The following NFIB variants were observed in gnomAD, a reference collection of about 807,000 sequenced individuals.
NFIB encodes nuclear factor 1 B-type.
In NFIB, 11 loss-of-function variants were observed where a neutral mutation model predicts 61.5. That is an observed-to-expected ratio of 0.18 (90% CI 0.11 to 0.30). NFIB has a LOEUF of 0.30. Ranked by LOEUF, NFIB falls within the 10% of genes least tolerant of loss-of-function variation. NFIB has a pLI of 1.00. For missense variants in NFIB, 471 were observed against 608.9 expected (o/e 0.77, Z 2.38); for synonymous variants, 260 against 216.5 (o/e 1.20, Z -1.76).
intron 6 of NFIB, among the ~76,000 whole-genome samples, chr9:14,129,293 T>G (rs955817661): frequency 6.6e-6 from 1 of 151,120 alleles, no homozygotes; most frequent in Non-Finnish European, 1.5e-5. Context: ...TAAATGAAAT[T>G]AATTCTTGGC....
chr9:14,418,373 A>T, the NFIB span, among the ~76,000 whole-genome samples: 3 of 152,180 alleles, frequency 2.0e-5, no homozygotes, highest in Non-Finnish European at 4.4e-5. Context: ...TTCCCCAGGG[A>T]AGTTACATAA....
the NFIB span, among the ~76,000 whole-genome samples, chr9:14,409,307 G>A: frequency 6.6e-6 from 1 of 152,078 alleles, no homozygotes; most frequent in African/African-American, 2.4e-5. Flanking sequence ...CAAATTTCCT[G>A]AAAATTGAAC....
the NFIB span, among the ~76,000 whole-genome samples, chr9:14,418,273 A>G: frequency 2.0e-5 from 3 of 152,260 alleles, no homozygotes; most frequent in Non-Finnish European, 4.4e-5. Flanking sequence ...AGCAGCGAAA[A>G]AAGCATCTCA....
At chr9:14,371,340 CCTT>C (rs1442214123) in intron 1 of NFIB, among the ~76,000 whole-genome samples, 12 of 152,152 alleles carry the variant, frequency 7.9e-5, no homozygotes, top group African/African-American at 2.4e-4. Flanking sequence ...AATCTAAGTT[CCTT>C]CTTCTTAGGG....
the NFIB span, among the ~76,000 whole-genome samples, chr9:14,488,859 G>T: frequency 6.6e-6 from 1 of 152,212 alleles, no homozygotes. Flanking sequence ...GGCTGCTTTT[G>T]ATTGTATCTC....
chr9:14,150,633 G>A (rs1175984740), intron 4 of NFIB, among the ~76,000 whole-genome samples: 1 of 152,006 alleles, frequency 6.6e-6, no homozygotes, highest in East Asian at 1.9e-4. Flanking sequence ...CACCAAACAA[G>A]CTGCTTTGCA....
At position 14,083,005 on chromosome 9, in the gene NFIB, G is replaced by C. The variant is rs2032255842; in HGVS notation, c.*5304C>G. On this transcript the variant is annotated 3_prime_UTR_variant, in exon 11 of 11. Transcript: ENST00000380953. ...TAGTCTAGTGTACCGGTAAGCTAGTGGCACTGAAGCGCTTTTCACAATCTC... is the reference window on the plus strand; with the variant it reads ...TAGTCTAGTGTACCGGTAAGCTAGTCGCACTGAAGCGCTTTTCACAATCTC... The C allele has an allele frequency of 9.7e-6, 2 of 206,918 alleles. No individual in the cohort carries two copies. The highest frequency in any genetic ancestry group is 1.2e-4 in the Admixed American group (2 of 16,756). The allele number at this position is 206,918 out of a possible 1,614,324, so 12.8% of individuals were successfully genotyped here.
At chr9:14,519,164 A>G in the NFIB span, among the ~76,000 whole-genome samples, 1 of 152,172 alleles carries the variant, frequency 6.6e-6, no homozygotes, top group Non-Finnish European at 1.5e-5. Flanking sequence ...GGGCTCTCCA[A>G]GCACTAACAA....
At chr9:14,250,019 C>G (rs1229470869) in intron 2 of NFIB, among the ~76,000 whole-genome samples, 1 of 152,160 alleles carries the variant, frequency 6.6e-6, no homozygotes, top group African/African-American at 2.4e-5. Flanking sequence ...ACTCCTTGTT[C>G]AAAACCCCTC....
intron 2 of NFIB, among the ~76,000 whole-genome samples, chr9:14,232,892 A>G (rs1273457351): frequency 6.6e-6 from 1 of 152,212 alleles, no homozygotes; most frequent in Non-Finnish European, 1.5e-5. Context: ...AGGAGTGCCC[A>G]CCACCTATTT....
At chr9:14,376,923 T>C (rs1388004015) in intron 1 of NFIB, among the ~76,000 whole-genome samples, 1 of 152,194 alleles carries the variant, frequency 6.6e-6, no homozygotes. Flanking sequence ...ACAACTTCAC[T>C]GCATGGAAGG....
At chr9:14,386,411 G>A (rs2061549327) in intron 1 of NFIB, among the ~76,000 whole-genome samples, 1 of 152,162 alleles carries the variant, frequency 6.6e-6, no homozygotes, top group Non-Finnish European at 1.5e-5. Context: ...CGAAGGTCCT[G>A]TCTCCTGCCT....
intron 6 of NFIB, among the ~76,000 whole-genome samples, chr9:14,126,183 G>A (rs1011003426): frequency 5.9e-5 from 9 of 152,180 alleles, no homozygotes; most frequent in Non-Finnish European, 1.3e-4. Flanking sequence ...TGTTGGTCAC[G>A]ATATCACTGA....
At chr9:14,099,201 G>A (rs566965720) in intron 10 of NFIB, among the ~76,000 whole-genome samples, 1 of 152,286 alleles carries the variant, frequency 6.6e-6, no homozygotes, top group East Asian at 1.9e-4. Context: ...TTCTACAACA[G>A]TCTCCAGGGA....
In NFIB at chr9:14,360,811, GGGCCTCAAGC is replaced by G. The variant is rs1288422081; in HGVS notation, c.108+37703_108+37712del. On this transcript the variant is annotated intron_variant, in intron 1 of 8. Coordinates refer to the NFIB transcript ENST00000380934. ...CGCCCGCCTGGGCCTCCCAAAGCCT[GGGCCTCAAGC>G]CTGGGATTACAGGCTTGAGCCACCG... Among the ~76,000 whole-genome samples, 10 of 152,034 alleles carry G rather than the reference GGGCCTCAAGC, an allele frequency of 6.6e-5. No individual in the cohort carries two copies. The East Asian group carries it at 1.9e-3, about 29-fold the overall frequency.
chr9:14,442,158 T>C, the NFIB span, among the ~76,000 whole-genome samples: 1 of 152,020 alleles, frequency 6.6e-6, no homozygotes, highest in Non-Finnish European at 1.5e-5. Context: ...TAACTCTGGG[T>C]CCACCTCGCT....
chr9:14,370,509 G>C (rs2061346931), intron 1 of NFIB, among the ~76,000 whole-genome samples: 1 of 152,148 alleles, frequency 6.6e-6, no homozygotes, highest in South Asian at 2.1e-4. Flanking sequence ...TGAGAATGCT[G>C]GTCTAGCCCA....
chr9:14,472,749 G>C, the NFIB span, among the ~76,000 whole-genome samples: 1 of 152,074 alleles, frequency 6.6e-6, no homozygotes, highest in Non-Finnish European at 1.5e-5. Context: ...GCTGAGGCAG[G>C]AGAATGGCGT....
intron 2 of NFIB, among the ~76,000 whole-genome samples, chr9:14,286,150 C>T (rs1463046553): frequency 6.6e-6 from 1 of 152,098 alleles, no homozygotes; most frequent in African/African-American, 2.4e-5. Flanking sequence ...TTGGGTGTAC[C>T]CCAATGCCAC....
Sources: gnomAD v4.1 joint callset for allele counts (sites outside exome capture counted in the v4.1 genomes callset) on GRCh38, gnomAD v4.1.1 for gene constraint, MANE v1.5 for transcripts, NCBI Gene and HGNC (gene_info 2026-07-23, HGNC 2026-07-21) for gene names.